Variants in HDAC9 observed in about 807,000 individuals in gnomAD.
HDAC9 encodes the protein histone deacetylase 9.
Under a neutral mutation model 139.4 loss-of-function variants are expected in HDAC9, and 41 were observed. The ratio of observed to expected loss-of-function variants is 0.29; its 90% CI spans 0.23 to 0.38. The LOEUF is 0.38. Among genes scored for constraint, HDAC9 ranks in the 10% least tolerant of loss-of-function variants. HDAC9 has a pLI of 1.00. For synonymous variants in HDAC9, 517 were observed against 476.2 expected (o/e 1.09, Z -1.12); for missense variants, 1,147 against 1,297.0 (o/e 0.88, Z 1.78).
intron 23 of HDAC9, among the ~76,000 whole-genome samples, chr7:18,941,066 G>C (rs1465213134): frequency 1.3e-5 from 2 of 151,986 alleles, no homozygotes; most frequent in African/African-American, 4.8e-5. Flanking sequence ...CTCTAGTACT[G>C]CAAGTTCAGC....
intron 1 of HDAC9, among the ~76,000 whole-genome samples, chr7:18,462,368 A>G (rs1368931585): frequency 6.6e-6 from 1 of 152,100 alleles, no homozygotes; most frequent in Non-Finnish European, 1.5e-5. Context: ...ATTTTTAAGA[A>G]TGCTGTTAAA....
intron 2 of HDAC9, among the ~76,000 whole-genome samples, chr7:18,172,678 A>C (rs1173789757): frequency 6.6e-6 from 1 of 152,198 alleles, no homozygotes; most frequent in Non-Finnish European, 1.5e-5. Flanking sequence ...TTCAAAGAAC[A>C]TCTTTATTTC....
At chr7:18,755,509 A>C (rs1437289450) in intron 14 of HDAC9, among the ~76,000 whole-genome samples, 1 of 152,192 alleles carries the variant, frequency 6.6e-6, no homozygotes, top group Non-Finnish European at 1.5e-5. Flanking sequence ...TGTTTCATAC[A>C]TGATGACCAG....
intron 21 of HDAC9, among the ~76,000 whole-genome samples, chr7:18,859,752 T>C (rs1797950573): frequency 6.8e-6 from 1 of 146,060 alleles, no homozygotes; most frequent in Non-Finnish European, 1.5e-5. Flanking sequence ...TCCTTATTTT[T>C]ATGCCTACAA....
chr7:18,629,097 T>C (rs1781529233), intron 6 of HDAC9, among the ~76,000 whole-genome samples: 2 of 152,164 alleles, frequency 1.3e-5, no homozygotes, highest in African/African-American at 2.4e-5. Context: ...AGAAAACTTA[T>C]ATTTTTGTTT....
chr7:18,479,645 C>T (rs918343545), intron 1 of HDAC9, among the ~76,000 whole-genome samples: 4 of 152,082 alleles, frequency 2.6e-5, no homozygotes, highest in African/African-American at 9.7e-5. Flanking sequence ...ATAGAAGTAG[C>T]TTGTCAAGTT....
At chr7:18,163,888 G>A (rs577316009) in intron 2 of HDAC9, among the ~76,000 whole-genome samples, 30 of 152,230 alleles carry the variant, frequency 2.0e-4, no homozygotes, top group Admixed American at 1.2e-3. Flanking sequence ...GTGGATGTTG[G>A]TCTACCCTGC....
At chr7:18,127,252 C>G (rs1784727288) in intron 1 of HDAC9, 1 of 169,918 alleles carries the variant, frequency 5.9e-6, no homozygotes, top group South Asian at 2.0e-4. Context: ...AAGTATGTCC[C>G]AAATATTGTT....
At chr7:18,256,032 G>A (rs1795219358) in intron 2 of HDAC9, among the ~76,000 whole-genome samples, 2 of 151,678 alleles carry the variant, frequency 1.3e-5, no homozygotes, top group Admixed American at 1.3e-4. Context: ...GATTATTGTT[G>A]TTTCTTTAGA....
chr7:18,598,195 T>A (rs763458499), intron 6 of HDAC9, among the ~76,000 whole-genome samples: 1 of 152,176 alleles, frequency 6.6e-6, no homozygotes, highest in Non-Finnish European at 1.5e-5. Flanking sequence ...ATTGCATACA[T>A]GAACATTATA....
chr7:18,909,364 T>G (rs1030392269), intron 22 of HDAC9, among the ~76,000 whole-genome samples: 2 of 152,106 alleles, frequency 1.3e-5, no homozygotes, highest in African/African-American at 4.8e-5. Context: ...CTTTGTTGAT[T>G]GTTTTCTTTG....
At chr7:18,872,518 C>G (rs1316007176) in intron 21 of HDAC9, among the ~76,000 whole-genome samples, 2 of 152,086 alleles carry the variant, frequency 1.3e-5, no homozygotes, top group African/African-American at 4.8e-5. Context: ...ACCACTGATT[C>G]ACGGTAGCAA....
At chr7:18,323,311 TTCTC>T (rs1362868762) in intron 1 of HDAC9, among the ~76,000 whole-genome samples, 2 of 152,186 alleles carry the variant, frequency 1.3e-5, no homozygotes, top group Non-Finnish European at 2.9e-5. Context: ...CAAAGCTCTA[TTCTC>T]TCTGTCAGAT....
At chr7:18,123,319 A>C (rs528131019) in intron 1 of HDAC9, among the ~76,000 whole-genome samples, 9 of 152,338 alleles carry the variant, frequency 5.9e-5, no homozygotes, top group Non-Finnish European at 1.0e-4. Flanking sequence ...TTTCATGCCT[A>C]AGTATTTTAA....
At chr7:18,090,532 C>T (rs1227996444) in intron 1 of HDAC9, among the ~76,000 whole-genome samples, 1 of 152,232 alleles carries the variant, frequency 6.6e-6, no homozygotes, top group Non-Finnish European at 1.5e-5. Flanking sequence ...CAACTACCTA[C>T]TGCCCTTTTA....
At chr7:18,834,701 G>C (rs1196833271) in intron 19 of HDAC9, among the ~76,000 whole-genome samples, 1 of 152,150 alleles carries the variant, frequency 6.6e-6, no homozygotes, top group East Asian at 1.9e-4. Context: ...AAGAGCTAAT[G>C]AGCTCATGCT....
chr7:18,257,996 C>G (rs1795394977), intron 2 of HDAC9, among the ~76,000 whole-genome samples: 1 of 152,166 alleles, frequency 6.6e-6, no homozygotes, highest in South Asian at 2.1e-4. Context: ...CTCAGACCCA[C>G]TGAATCATAA....
chr7:19,001,155 A>AAAT lies in HDAC9; in HGVS notation c.*5093_*5094insAAT, dbSNP rs1786728768. On this transcript the variant is annotated 3_prime_UTR_variant, in exon 26 of 26. Transcript: ENST00000686413. The stretch of plus-strand genomic sequence containing the variant: ...ACTACCTAATCATGTTGTACTAGTT[A>AAAT]TTGTGGAAAGAAAATTGTACATACA... 1 of 152,178 alleles carries AAAT rather than the reference A, an allele frequency of 6.6e-6. No homozygotes were observed. The highest frequency in any genetic ancestry group is 1.5e-5 in the Non-Finnish European group (1 of 68,002). The allele number at this position is 152,178 out of a possible 1,614,324, so 9.4% of individuals were successfully genotyped here. A position where few individuals can be genotyped will look rare whatever the true frequency, so the allele number is the denominator to read the frequency against.
intron 1 of HDAC9, among the ~76,000 whole-genome samples, chr7:18,419,144 A>G (rs1459857222): frequency 2.0e-5 from 3 of 152,098 alleles, no homozygotes; most frequent in African/African-American, 7.2e-5. Flanking sequence ...TTTAATTTTC[A>G]TTGTTTCCTA....
Sources: allele counts gnomAD v4.1 joint callset (sites outside exome capture counted in the v4.1 genomes callset), GRCh38; gene constraint gnomAD v4.1.1; transcripts MANE v1.5; gene names NCBI Gene and HGNC (gene_info 2026-07-23, HGNC 2026-07-21).